SEPTIN8: variants seen among roughly 807,000 people sequenced by gnomAD.
SEPTIN8 encodes the protein septin-8.
A neutral mutation model predicts 53.1 loss-of-function variants in SEPTIN8; 22 were observed. The ratio of observed to expected loss-of-function variants is 0.41; its 90% CI spans 0.30 to 0.59. SEPTIN8 has a LOEUF of 0.59. SEPTIN8 is among the 20% of genes least tolerant of loss of function. SEPTIN8 has a pLI of 0.24. For missense variants in SEPTIN8, 536 were observed against 638.7 expected (o/e 0.84, Z 1.73); for synonymous variants, 228 against 248.4 (o/e 0.92, Z 0.77).
Position 132,751,806 on chromosome 5 carries a change from A to G in SEPTIN8, c.*210T>C, listed in dbSNP as rs897327249. On this transcript the variant is annotated 3_prime_UTR_variant, in exon 10 of 10. Transcript: ENST00000378719. ...AGCTCAGCTTGGCCACAGGATGGGC[A>G]TTAAGCCTCAAGCCCCTTACGGAGC... 9.5e-6 allele frequency: 8 copies of G among 846,346 alleles called. No individual in the cohort carries two copies. The highest frequency in any genetic ancestry group is 2.8e-5 in the Admixed American group (1 of 36,028). The allele number at this position is 846,346 out of a possible 1,614,324, so 52.4% of individuals were successfully genotyped here. A position where few individuals can be genotyped will look rare whatever the true frequency, so the allele number is the denominator to read the frequency against.
In SEPTIN8 at chr5:132,760,271, A is replaced by C. The variant is rs1392300566; in HGVS notation, c.1286+531T>G. 6.6e-6 allele frequency among the ~76,000 whole-genome samples: 1 copy of C among 152,028 alleles called. No homozygotes were observed. Among genetic ancestry groups the C allele is most frequent in the South Asian group, 2.1e-4 (1 of 4,824 alleles). ...GGATGCGCCACAGGTGTCCAAGCAG[A>C]AACCACCACGGCTTTTGGAATCTGG... On this transcript the variant is annotated intron_variant, in intron 9 of 9. Transcript: ENST00000378719. This position sits in a 1 kb window ranked among gnomAD's most constrained non-coding sequence, Gnocchi z 5.2.
In SEPTIN8 at chr5:132,760,882, C is replaced by T. The variant is rs1755852297; in HGVS notation, c.1206G>A (p.Lys402=). 6.2e-7 allele frequency: 1 copy of T among 1,612,176 alleles called. No individual in the cohort carries two copies. Among genetic ancestry groups the T allele is most frequent in the South Asian group, 1.1e-5 (1 of 90,834 alleles). ...EEETNAFNRR[K]AAVEALQSQA... is the part of the protein sequence containing the mutation. ...GCGACTGCAGGGCCTCCACCGCAGC[C>T]TTCCGGCGATTGAAGGCGTTGGTCT... Residue 402 remains lysine, a synonymous_variant, in exon 9 of 10, where the codon AAG becomes AAA. Coordinates refer to ENST00000378719, the MANE Select transcript of SEPTIN8 (RefSeq NM_001098811.2). This position sits in a 1 kb window ranked among gnomAD's most constrained non-coding sequence, Gnocchi z 5.2.
chr5:132,777,518 T>G (rs901833148), upstream of SEPTIN8: 16 of 957,028 alleles, frequency 1.7e-5, no homozygotes, highest in African/African-American at 2.8e-4. The surrounding 1 kb of genome is among the most constrained non-coding windows in gnomAD (Gnocchi z 4.1). Context: ...GCGTGTCCCC[T>G]GGAGCCTGGG....
At chr5:132,763,585 G>A (rs1581163893) in intron 4 of SEPTIN8, 121 bp downstream of exon 4, 4 of 875,526 alleles carry the variant, frequency 4.6e-6, no homozygotes, top group South Asian at 1.6e-5. Context: ...CCAATGGGGG[G>A]CCACCCACAA....
In SEPTIN8 at chr5:132,761,743, A is replaced by G; in HGVS notation, c.793+57T>C. On this transcript the variant is annotated intron_variant, in intron 6 of 9. Coordinates refer to ENST00000378719, the MANE Select transcript of SEPTIN8 (RefSeq NM_001098811.2). The surrounding 1 kb of genome is among the most constrained non-coding windows in gnomAD (Gnocchi z 5.8). ...AACAGCACAGGGTACTACAGGCAGC[A>G]GGGCAGGCCAGGGAACTCAGTTCTA... The G allele has an allele frequency of 6.3e-7, 1 of 1,579,656 alleles. No homozygotes were observed.
intron 9 of SEPTIN8, chr5:132,756,046 T>C (rs1755302316): frequency 1.0e-6 from 1 of 984,280 alleles, no homozygotes; most frequent in Admixed American, 6.2e-5. Flanking sequence ...AAGTACAAAG[T>C]GAATGGAAAA....
chr5:132,753,736 G>T (rs1010072263), intron 9 of SEPTIN8: 1 of 152,370 alleles, frequency 6.6e-6, no homozygotes, highest in African/African-American at 2.4e-5. Flanking sequence ...CTTTCTGTTG[G>T]GATGAGCAGG....
Position 132,763,795 on chromosome 5 carries a change from T to C in SEPTIN8, c.445A>G (p.Arg149Gly), listed in dbSNP as rs1412381939. The change falls in exon 4 of 10, where the codon AGG (arginine) becomes GGG (glycine). Residue 149 changes from arginine (R) to glycine (G), a missense_variant. Physicochemically the swap from Arg to Gly is moderately radical, Grantham distance 125 (BLOSUM62 -2). This residue lies in a region of SEPTIN8 where 395 missense variants were observed against 451.8 expected (regional missense o/e 0.87). Transcript: ENST00000378719. Reference protein sequence around the residue: ...RRSLFDYHDTRIHVCLYFITP... With the variant: ...RRSLFDYHDTGIHVCLYFITP... ...ATGAAGTAGAGGCAAACGTGGATCC[T>C]TGTGTCATGGTAGTCGAAGAGCGAG... 1 of 1,613,568 alleles carries C rather than the reference T, an allele frequency of 6.2e-7. No homozygotes were observed. The highest frequency in any genetic ancestry group is 8.5e-7 in the Non-Finnish European group (1 of 1,179,838).
intron 1 of SEPTIN8, among the ~76,000 whole-genome samples, chr5:132,772,650 G>A (rs962562662): frequency 5.3e-5 from 8 of 152,194 alleles, no homozygotes; most frequent in African/African-American, 9.6e-5. Flanking sequence ...CCAACCCCAC[G>A]ATGGATGCCA....
At chr5:132,752,309 C>T (rs1423574094) in intron 9 of SEPTIN8, 128 bp from the exon 10 acceptor site, 7 of 1,262,280 alleles carry the variant, frequency 5.5e-6, no homozygotes, top group Admixed American at 5.5e-5. Flanking sequence ...ATGTTCTGGC[C>T]ATAACCCTGG....
At chr5:132,755,870 C>G (rs1473020722) in intron 9 of SEPTIN8, 1 of 704,800 alleles carries the variant, frequency 1.4e-6, no homozygotes, top group Non-Finnish European at 1.7e-6. Flanking sequence ...TAAAACAATT[C>G]CTACAGAAGT....
intron 1 of SEPTIN8, among the ~76,000 whole-genome samples, chr5:132,774,511 G>T (rs960239539): frequency 1.1e-4 from 16 of 152,136 alleles, no homozygotes; most frequent in African/African-American, 3.1e-4. Context: ...CTCCTCAGAG[G>T]GCTGCTCCAC....
At chr5:132,763,020 C>T (rs531810853) in intron 4 of SEPTIN8, among the ~76,000 whole-genome samples, 1 of 152,262 alleles carries the variant, frequency 6.6e-6, no homozygotes, top group Non-Finnish European at 1.5e-5. Context: ...GGTAAAAGGA[C>T]CCATCAGCAG....
intron 1 of SEPTIN8, among the ~76,000 whole-genome samples, chr5:132,772,018 T>C (rs962472516): frequency 3.9e-5 from 6 of 151,982 alleles, no homozygotes; most frequent in African/African-American, 1.5e-4. Context: ...TGAGAGAAGA[T>C]TCAAGCAAGG....
intron 9 of SEPTIN8, chr5:132,753,622 T>G (rs1755052551): frequency 6.6e-6 from 1 of 152,624 alleles, no homozygotes; most frequent in Admixed American, 6.5e-5. Context: ...CCTTTGTTAC[T>G]CTTAAGCAAA....
Position 132,752,169 on chromosome 5 carries a change from T to A in SEPTIN8, c.1299A>T (p.Ile433=). 6.3e-7 allele frequency: 1 copy of A among 1,585,700 alleles called. No homozygotes were observed. Among genetic ancestry groups the A allele is most frequent in the Non-Finnish European group, 8.6e-7 (1 of 1,164,720 alleles). ...GGCTCATGCCCGGCTGGTGTGCTCC[T>A]ATATCTGATCTGCTAAAGAAAGCAC... is the stretch of plus-strand genomic sequence containing the variant. ...KDKDKKNRSD[I]GAHQPGMSLS... is the part of the protein sequence containing the mutation. Residue 433 remains isoleucine (I), a synonymous_variant, in exon 10 of 10, where the codon ATA becomes ATT. Coordinates refer to ENST00000378719, the MANE Select transcript of SEPTIN8 (RefSeq NM_001098811.2).
In SEPTIN8 at chr5:132,750,893, G is replaced by A; in HGVS notation, c.*1123C>T. On this transcript the variant is annotated 3_prime_UTR_variant, in exon 10 of 10. Transcript: ENST00000378719. ...AGTAAAAGACTTCACAAAGCACTAT[G>A]GCTCTGACTATTCCCCGAATGAGCT... 6.2e-7 allele frequency: 1 copy of A among 1,614,228 alleles called. No homozygotes were observed. The highest frequency in any genetic ancestry group is 8.5e-7 in the Non-Finnish European group (1 of 1,180,042).
chr5:132,763,934 CA>C (rs760205644), intron 3 of SEPTIN8, 42 bp from the exon 4 acceptor site: 1 of 1,519,586 alleles, frequency 6.6e-7, no homozygotes, highest in South Asian at 1.3e-5. Flanking sequence ...CAGCTGAGAT[CA>C]GGGGCTTGGG....
At position 132,751,111 on chromosome 5, in the gene SEPTIN8, C is replaced by A; in HGVS notation, c.*905G>T. On this transcript the variant is annotated 3_prime_UTR_variant, in exon 10 of 10. Coordinates refer to ENST00000378719, the MANE Select transcript of SEPTIN8 (RefSeq NM_001098811.2). ...CGTGCACACGCCCTTGCACATGCAC[C>A]ACAGTGAGGTGACGCACAAGGCTCA... is the stretch of plus-strand genomic sequence containing the variant. The A allele has an allele frequency of 1.7e-6, 2 of 1,202,728 alleles. No homozygotes were observed. Among genetic ancestry groups the A allele is most frequent in the Non-Finnish European group, 1.2e-6 (1 of 853,812 alleles). The allele number at this position is 1,202,728 out of a possible 1,614,324, so 74.5% of individuals were successfully genotyped here.
Sources: allele counts gnomAD v4.1 joint callset (sites outside exome capture counted in the v4.1 genomes callset), GRCh38; gene constraint gnomAD v4.1.1; regional missense constraint gnomAD v4.1.1; non-coding constraint Gnocchi (gnomAD v3.1); transcripts MANE v1.5; gene names NCBI Gene and HGNC (gene_info 2026-07-23, HGNC 2026-07-21).